Variants in MCTP1 observed in about 807,000 individuals in gnomAD.
The protein encoded by MCTP1 is multiple C2 and transmembrane domain-containing protein 1.
In MCTP1, 69 loss-of-function variants were observed where a neutral mutation model predicts 120.6. That is an observed-to-expected ratio of 0.57 (90% CI 0.47 to 0.70). MCTP1 has a LOEUF of 0.70. MCTP1 is among the 30% of genes least tolerant of loss of function. MCTP1 has a pLI of 0.00. For synonymous variants in MCTP1, 529 were observed against 493.1 expected (o/e 1.07, Z -0.96); for missense variants, 1,203 against 1,248.8 (o/e 0.96, Z 0.55).
intron 19 of MCTP1, among the ~76,000 whole-genome samples, chr5:94,729,161 C>G (rs1339696592): frequency 2.0e-5 from 3 of 152,094 alleles, no homozygotes; most frequent in African/African-American, 7.2e-5. Flanking sequence ...AGAAACTACT[C>G]TAAGTATTTC....
chr5:94,857,228 C>T (rs1794897367), intron 17 of MCTP1, among the ~76,000 whole-genome samples: 1 of 151,712 alleles, frequency 6.6e-6, no homozygotes, highest in Non-Finnish European at 1.5e-5. Context: ...CTCAACACAG[C>T]TTTATTGAGT....
chr5:94,857,903 T>C (rs1054736155), intron 17 of MCTP1, among the ~76,000 whole-genome samples: 11 of 151,752 alleles, frequency 7.2e-5, no homozygotes, highest in Non-Finnish European at 1.3e-4. Context: ...GAATATGCTG[T>C]TCCATTATGT....
chr5:95,191,011 A>G (rs908007796), intron 1 of MCTP1, among the ~76,000 whole-genome samples: 1 of 152,066 alleles, frequency 6.6e-6, no homozygotes, highest in African/African-American at 2.4e-5. Flanking sequence ...CAATTAAATA[A>G]TTTTAAGCTA....
chr5:94,997,059 G>T (rs1832760119), intron 2 of MCTP1, among the ~76,000 whole-genome samples: 1 of 152,140 alleles, frequency 6.6e-6, no homozygotes, highest in African/African-American at 2.4e-5. Flanking sequence ...TCACCACAGA[G>T]CAGTTTATTT....
At chr5:95,099,789 C>T (rs1239960746) in intron 1 of MCTP1, among the ~76,000 whole-genome samples, 8 of 149,668 alleles carry the variant, frequency 5.3e-5, no homozygotes, top group African/African-American at 1.7e-4. Flanking sequence ...ACCCAAAGGA[C>T]TATAAATCAT....
chr5:95,184,972 C>T (rs1749034486), intron 1 of MCTP1, among the ~76,000 whole-genome samples: 1 of 152,174 alleles, frequency 6.6e-6, no homozygotes, highest in Non-Finnish European at 1.5e-5. Flanking sequence ...TTTAAAAATT[C>T]TGATCCCCGA....
At chr5:94,758,800 G>A (rs996068629) in intron 19 of MCTP1, among the ~76,000 whole-genome samples, 12 of 151,976 alleles carry the variant, frequency 7.9e-5, no homozygotes, top group Non-Finnish European at 2.9e-5. Context: ...TTGTTATCAT[G>A]GAGAAAAGTC....
At chr5:94,871,479 G>C in intron 13 of MCTP1, 62 bp from the exon 14 acceptor site, 2 of 1,214,022 alleles carry the variant, frequency 1.6e-6, no homozygotes, top group Non-Finnish European at 1.2e-6. Context: ...AACAAGAATA[G>C]TTTTGAAAAT....
chr5:94,727,628 G>A (rs913833451), intron 19 of MCTP1, among the ~76,000 whole-genome samples: 5 of 152,278 alleles, frequency 3.3e-5, no homozygotes, highest in African/African-American at 7.2e-5. Flanking sequence ...CGAGCATGAC[G>A]TTTGGGGATA....
chr5:94,721,929 CTG>C (rs1761018498), intron 19 of MCTP1, among the ~76,000 whole-genome samples: 2 of 149,046 alleles, frequency 1.3e-5, no homozygotes, highest in Non-Finnish European at 3.0e-5. Flanking sequence ...AACCATGAAT[CTG>C]AGAATATGTG....
At chr5:95,279,472 C>T (rs1358917321) in intron 1 of MCTP1, among the ~76,000 whole-genome samples, 3 of 152,160 alleles carry the variant, frequency 2.0e-5, no homozygotes, top group African/African-American at 7.2e-5. Flanking sequence ...TAGTTCATAT[C>T]CTAAATTAAA....
intron 6 of MCTP1, among the ~76,000 whole-genome samples, chr5:94,927,886 T>C (rs1214299999): frequency 1.3e-5 from 2 of 152,116 alleles, no homozygotes; most frequent in Non-Finnish European, 2.9e-5. Context: ...AAGTGTTTTA[T>C]AGTTCATTAA....
chr5:95,151,681 A>G (rs1473142048), intron 1 of MCTP1, among the ~76,000 whole-genome samples: 1 of 152,036 alleles, frequency 6.6e-6, no homozygotes, highest in African/African-American at 2.4e-5. Context: ...CAATTTTTCC[A>G]CTTATCTGAT....
intron 1 of MCTP1, among the ~76,000 whole-genome samples, chr5:95,134,471 C>T (rs558691757): frequency 7.2e-5 from 11 of 152,300 alleles, no homozygotes; most frequent in South Asian, 2.1e-4. Context: ...CAATTTGGGG[C>T]GGATTCAGCC....
intron 1 of MCTP1, among the ~76,000 whole-genome samples, chr5:95,197,730 T>C (rs1750552537): frequency 6.6e-6 from 1 of 152,192 alleles, no homozygotes; most frequent in Admixed American, 6.5e-5. Context: ...ATTATATTTA[T>C]GTACATAGCT....
At chr5:94,947,311 T>G (rs1334954516) in intron 3 of MCTP1, among the ~76,000 whole-genome samples, 2 of 151,974 alleles carry the variant, frequency 1.3e-5, no homozygotes, top group African/African-American at 4.8e-5. Context: ...TACCCTTTCC[T>G]ATTGCAGTTC....
At chr5:94,881,563 A>G (rs748266554) in intron 12 of MCTP1, among the ~76,000 whole-genome samples, 1 of 152,084 alleles carries the variant, frequency 6.6e-6, no homozygotes, top group African/African-American at 2.4e-5. Context: ...TTTTGTGGAA[A>G]GATCTAGATC....
chr5:94,764,935 A>T (rs946942291), intron 19 of MCTP1, among the ~76,000 whole-genome samples: 1 of 152,110 alleles, frequency 6.6e-6, no homozygotes, highest in Non-Finnish European at 1.5e-5. Context: ...GAACAGCTGC[A>T]GAATACACAT....
chr5:94,833,039 G>T (rs1439737617), intron 17 of MCTP1, among the ~76,000 whole-genome samples: 2 of 152,104 alleles, frequency 1.3e-5, no homozygotes, highest in African/African-American at 2.4e-5. Context: ...CAGTAGGATG[G>T]TGCACCCTGG....
Sources: allele counts gnomAD v4.1 joint callset (sites outside exome capture counted in the v4.1 genomes callset), GRCh38; gene constraint gnomAD v4.1.1; transcripts MANE v1.5; gene names NCBI Gene and HGNC (gene_info 2026-07-23, HGNC 2026-07-21).